The following PARD3B variants were observed in gnomAD, a reference collection of about 807,000 sequenced individuals.
The protein encoded by PARD3B is partitioning defective 3 homolog B.
PARD3B carries 103 observed loss-of-function variants against 130.2 expected under a neutral mutation model. The observed-to-expected ratio is 0.79, with a 90% confidence interval of 0.67 to 0.93. The LOEUF (loss-of-function observed/expected upper bound fraction) is 0.93. Among genes scored for constraint, PARD3B ranks in the 40% least tolerant of loss-of-function variants. The pLI, the probability that PARD3B is intolerant of heterozygous loss-of-function variation, is 0.00. For synonymous variants in PARD3B, 583 were observed against 553.2 expected (o/e 1.05, Z -0.76); for missense variants, 1,609 against 1,499.2 (o/e 1.07, Z -1.21).
chr2:204,651,493 C>T (rs2035478154), intron 1 of PARD3B, among the ~76,000 whole-genome samples: 1 of 152,240 alleles, frequency 6.6e-6, no homozygotes, highest in South Asian at 2.1e-4. Context: ...TGGCCTTGGG[C>T]AGCTCTGCCC....
chr2:205,522,146 A>T (rs889144535), intron 21 of PARD3B, among the ~76,000 whole-genome samples: 2 of 151,422 alleles, frequency 1.3e-5, no homozygotes, highest in East Asian at 3.8e-4. Flanking sequence ...TTACTTCATT[A>T]TTTTTACATT....
chr2:205,495,517 A>T (rs2049892474), intron 20 of PARD3B, among the ~76,000 whole-genome samples: 1 of 152,212 alleles, frequency 6.6e-6, no homozygotes, highest in Non-Finnish European at 1.5e-5. Context: ...TGGTTTCAAT[A>T]GTATTTGAAT....
intron 2 of PARD3B, among the ~76,000 whole-genome samples, chr2:204,938,533 C>G (rs1050909158): frequency 6.6e-5 from 10 of 152,204 alleles, no homozygotes; most frequent in African/African-American, 2.2e-4. Flanking sequence ...ACTCTTATAA[C>G]TTCTTACACC....
At position 205,187,601 on chromosome 2, in the gene PARD3B, A is replaced by G. The variant is rs1454302521; in HGVS notation, c.2024+1738A>G. Among the ~76,000 whole-genome samples the G allele has an allele frequency of 6.6e-6, 1 of 152,216 alleles. No individual in the cohort carries two copies. The highest frequency in any genetic ancestry group is 2.4e-5 in the African/African-American group (1 of 41,460). On this transcript the variant is annotated intron_variant, in intron 14 of 22. Coordinates refer to ENST00000406610, the MANE Select transcript of PARD3B (RefSeq NM_001302769.2). The surrounding 1 kb of genome is among the most constrained non-coding windows in gnomAD (Gnocchi z 4.9). The stretch of plus-strand genomic sequence containing the variant: ...AACCTTCAAGGGAGAGAGGTGGTTC[A>G]GAGATCACCTGGGATTTAGCAACTG...
intron 19 of PARD3B, among the ~76,000 whole-genome samples, chr2:205,429,950 C>G (rs369652363): frequency 6.6e-6 from 1 of 152,336 alleles, no homozygotes; most frequent in Admixed American, 6.5e-5. Context: ...CCAATTTCTG[C>G]CTCTGCCTTC....
chr2:204,882,864 A>T (rs1243107141), intron 2 of PARD3B, among the ~76,000 whole-genome samples: 1 of 152,192 alleles, frequency 6.6e-6, no homozygotes, highest in Admixed American at 6.5e-5. Flanking sequence ...CTACAATACC[A>T]TCAAATACCA....
intron 4 of PARD3B, chr2:205,048,391 A>G (rs1320473423): frequency 6.6e-6 from 1 of 152,216 alleles, no homozygotes; most frequent in Non-Finnish European, 1.5e-5. Flanking sequence ...TTCTCCTTCC[A>G]TATAGGACTG....
intron 1 of PARD3B, among the ~76,000 whole-genome samples, chr2:204,652,865 A>T (rs2035527794): frequency 1.3e-5 from 2 of 151,142 alleles, no homozygotes; most frequent in Admixed American, 6.6e-5. Context: ...ATTGTGGATC[A>T]TGAGAGAGTA....
intron 20 of PARD3B, among the ~76,000 whole-genome samples, chr2:205,471,930 TC>T (rs1169531977): frequency 6.6e-6 from 1 of 152,148 alleles, no homozygotes; most frequent in Non-Finnish European, 1.5e-5. Flanking sequence ...TACAAAAGCA[TC>T]AGTAACCCAG....
intron 1 of PARD3B, among the ~76,000 whole-genome samples, chr2:204,656,098 A>C (rs922912384): frequency 6.6e-6 from 1 of 152,080 alleles, no homozygotes. Flanking sequence ...GAACTGGCAC[A>C]CTATTATTTC....
At chr2:204,612,034 T>C (rs897585238) in intron 1 of PARD3B, among the ~76,000 whole-genome samples, 3 of 152,218 alleles carry the variant, frequency 2.0e-5, no homozygotes, top group African/African-American at 7.2e-5. Flanking sequence ...AGTGAGAATT[T>C]CCTTCATTTC....
At position 205,015,877 on chromosome 2, in the gene PARD3B, C is replaced by G. The variant is rs148167326; in HGVS notation, c.395-31704C>G. ...CTGATCGTGAGCCTTATTATGTAAG[C>G]TTGCTTGCTGATGTCTGAAACCTGC... On this transcript the variant is annotated intron_variant, in intron 3 of 22. Coordinates refer to ENST00000406610, the MANE Select transcript of PARD3B (RefSeq NM_001302769.2). This position sits in a 1 kb window ranked among gnomAD's most constrained non-coding sequence, Gnocchi z 4.5. Among the ~76,000 whole-genome samples the G allele has an allele frequency of 6.6e-6, 1 of 152,272 alleles. No individual in the cohort carries two copies. Among genetic ancestry groups the G allele is most frequent in the Non-Finnish European group, 1.5e-5 (1 of 68,028 alleles).
intron 22 of PARD3B, among the ~76,000 whole-genome samples, chr2:205,581,398 T>TATATATAAATATATAA: frequency 4.3e-5 from 1 of 23,518 alleles, no homozygotes; most frequent in East Asian, 4.7e-3. Context: ...TATATATAAA[T>TATATATAAATATATAA]ATATATATAA....
chr2:205,368,878 C>T (rs1307225636), intron 18 of PARD3B, among the ~76,000 whole-genome samples: 1 of 151,894 alleles, frequency 6.6e-6, no homozygotes, highest in Non-Finnish European at 1.5e-5. Context: ...AAAAAAACAC[C>T]CCATAACGTT....
intron 19 of PARD3B, among the ~76,000 whole-genome samples, chr2:205,401,626 A>G (rs1300336748): frequency 6.6e-6 from 1 of 152,180 alleles, no homozygotes; most frequent in Non-Finnish European, 1.5e-5. Flanking sequence ...CCATCTGTTA[A>G]AGGGCCGGCT....
chr2:205,319,098 T>C (rs964089955), intron 18 of PARD3B, among the ~76,000 whole-genome samples: 1 of 152,188 alleles, frequency 6.6e-6, no homozygotes, highest in African/African-American at 2.4e-5. Context: ...CAGAGACAGA[T>C]TGATTTTCAA....
chr2:204,564,144 A>G (rs2031524061), intron 1 of PARD3B, among the ~76,000 whole-genome samples: 1 of 152,132 alleles, frequency 6.6e-6, no homozygotes, highest in South Asian at 2.1e-4. Flanking sequence ...TTCAGTCTGT[A>G]ATTACGTTCT....
At chr2:204,866,690 T>G (rs1008249956) in intron 2 of PARD3B, among the ~76,000 whole-genome samples, 5 of 152,050 alleles carry the variant, frequency 3.3e-5, no homozygotes, top group East Asian at 3.9e-4. Context: ...TATATATGTG[T>G]ATATATATGT....
At chr2:204,768,876 G>T (rs2041249647) in intron 2 of PARD3B, among the ~76,000 whole-genome samples, 1 of 40,498 alleles carries the variant, frequency 2.5e-5, no homozygotes, top group South Asian at 2.0e-3. Context: ...TGCTGAAGTT[G>T]CTTATCAGCT....
Sources: gnomAD v4.1 joint callset for allele counts (sites outside exome capture counted in the v4.1 genomes callset) on GRCh38, gnomAD v4.1.1 for gene constraint, Gnocchi (gnomAD v3.1) non-coding constraint, MANE v1.5 for transcripts, NCBI Gene and HGNC (gene_info 2026-07-23, HGNC 2026-07-21) for gene names.